Variants in NTM observed in about 807,000 individuals in gnomAD.
NTM encodes neurotrimin.
NTM carries 13 observed loss-of-function variants against 42.1 expected under a neutral mutation model. That is an observed-to-expected ratio of 0.31 (90% confidence interval 0.20 to 0.49). The LOEUF (loss-of-function observed/expected upper bound fraction) is 0.49. NTM is among the 20% of genes least tolerant of loss of function. NTM has a pLI of 0.99. For missense variants in NTM, 373 were observed against 452.8 expected (o/e 0.82, Z 1.60); for synonymous variants, 187 against 179.2 (o/e 1.04, Z -0.35).
intron 1 of NTM, among the ~76,000 whole-genome samples, chr11:131,800,706 C>T (rs111888354): frequency 1.4e-4 from 22 of 152,242 alleles, no homozygotes; most frequent in East Asian, 1.2e-3. Context: ...CCTTCTCCCC[C>T]GCTCTATGGT....
At chr11:132,117,815 G>A (rs573175917) in intron 2 of NTM, among the ~76,000 whole-genome samples, 30 of 152,284 alleles carry the variant, frequency 2.0e-4, no homozygotes, top group Admixed American at 3.9e-4. Context: ...CACAGTGGGC[G>A]CTGAATAAAT....
chr11:131,419,176 A>G (rs1947258071), intron 1 of NTM, among the ~76,000 whole-genome samples: 1 of 152,100 alleles, frequency 6.6e-6, no homozygotes, highest in East Asian at 1.9e-4. Context: ...ACAAACAAAC[A>G]AACAAACAAA....
At chr11:131,809,596 C>G (rs1279252525) in intron 1 of NTM, among the ~76,000 whole-genome samples, 1 of 152,214 alleles carries the variant, frequency 6.6e-6, no homozygotes, top group African/African-American at 2.4e-5. Flanking sequence ...AGATATGTTC[C>G]TCCTCTCCCC....
At chr11:131,932,096 C>A (rs2058696815) in intron 2 of NTM, among the ~76,000 whole-genome samples, 1 of 152,248 alleles carries the variant, frequency 6.6e-6, no homozygotes, top group Admixed American at 6.5e-5. Flanking sequence ...CAAGTATCCA[C>A]TCCATGCCAA....
chr11:131,656,659 G>A (rs1353665640), intron 1 of NTM, among the ~76,000 whole-genome samples: 3 of 152,162 alleles, frequency 2.0e-5, no homozygotes, highest in African/African-American at 4.8e-5. Flanking sequence ...GGAGGAGGGC[G>A]GGGCATAAGA....
At chr11:132,036,674 C>T (rs2076548991) in intron 2 of NTM, among the ~76,000 whole-genome samples, 1 of 152,210 alleles carries the variant, frequency 6.6e-6, no homozygotes, top group Non-Finnish European at 1.5e-5. Context: ...AGGCAACACA[C>T]TTTTAATAGC....
Position 131,372,149 on chromosome 11 carries a change from G to A in NTM, c.82+1261G>A, listed in dbSNP as rs373864743. Among the ~76,000 whole-genome samples, 6 of 152,296 alleles carry A rather than the reference G, an allele frequency of 3.9e-5. No individual in the cohort carries two copies. In the East Asian group the frequency reaches 5.8e-4, roughly 15 times the overall value. Reference sequence around the variant, plus strand: ...TGCAGTGGCTGCAGTGTGGATCCACGTAAGGTGGGCAGAGAGACCAGGCTG... The same window carrying A: ...TGCAGTGGCTGCAGTGTGGATCCACATAAGGTGGGCAGAGAGACCAGGCTG... On this transcript the variant is annotated intron_variant, in intron 1 of 8. Coordinates refer to ENST00000683400, the MANE Select transcript of NTM (RefSeq NM_001352005.2).
At chr11:131,789,943 G>A (rs182226784) in intron 1 of NTM, among the ~76,000 whole-genome samples, 29 of 112,788 alleles carry the variant, frequency 2.6e-4, no homozygotes, top group East Asian at 5.8e-4. Context: ...GCGACAGAGC[G>A]AGACTCCGTC....
intron 1 of NTM, among the ~76,000 whole-genome samples, chr11:131,396,298 A>G (rs1255875506): frequency 6.6e-6 from 1 of 152,112 alleles, no homozygotes; most frequent in Non-Finnish European, 1.5e-5. Flanking sequence ...CTGGCATTGA[A>G]ATCATCCTGG....
chr11:132,323,761 G>A (rs1245811258), intron 7 of NTM, among the ~76,000 whole-genome samples: 1 of 152,084 alleles, frequency 6.6e-6, no homozygotes, highest in Non-Finnish European at 1.5e-5. Flanking sequence ...GATGAACATT[G>A]ATGCAAAATC....
intron 1 of NTM, among the ~76,000 whole-genome samples, chr11:131,874,542 T>C (rs972390891): frequency 6.6e-6 from 1 of 152,186 alleles, no homozygotes; most frequent in African/African-American, 2.4e-5. Context: ...AACATTCAAA[T>C]CTTACAGGCC....
intron 4 of NTM, among the ~76,000 whole-genome samples, chr11:132,264,101 C>G (rs1286441335): frequency 1.3e-5 from 2 of 152,162 alleles, no homozygotes; most frequent in Non-Finnish European, 2.9e-5. Context: ...AAGGCTATGT[C>G]AATTAGCAAT....
chr11:132,140,712 A>G (rs956544510), intron 2 of NTM, among the ~76,000 whole-genome samples: 1 of 152,200 alleles, frequency 6.6e-6, no homozygotes, highest in Non-Finnish European at 1.5e-5. Context: ...AGTTTCCCCC[A>G]GAGAACACTT....
At chr11:131,783,482 G>A (rs574283378) in intron 1 of NTM, among the ~76,000 whole-genome samples, 1 of 152,190 alleles carries the variant, frequency 6.6e-6, no homozygotes, top group African/African-American at 2.4e-5. Flanking sequence ...ACTCAAAATA[G>A]CCATACACAT....
At chr11:131,894,025 T>G (rs915442089) in intron 1 of NTM, among the ~76,000 whole-genome samples, 24 of 152,162 alleles carry the variant, frequency 1.6e-4, no homozygotes, top group Non-Finnish European at 3.4e-4. Flanking sequence ...TTAGCTTCTT[T>G]TGTGGGAGGC....
intron 2 of NTM, among the ~76,000 whole-genome samples, chr11:131,954,828 C>G (rs753012531): frequency 6.6e-6 from 1 of 152,130 alleles, no homozygotes. Flanking sequence ...TGAATTCAAT[C>G]TTTTGTTACC....
chr11:132,032,741 G>A (rs749728936), intron 2 of NTM, among the ~76,000 whole-genome samples: 2 of 152,122 alleles, frequency 1.3e-5, no homozygotes, highest in African/African-American at 2.4e-5. Context: ...GATTCAATCG[G>A]TATCTCCTCT....
chr11:132,188,837 AC>A (rs1555305480), intron 3 of NTM, among the ~76,000 whole-genome samples: 2 of 152,190 alleles, frequency 1.3e-5, no homozygotes, highest in Non-Finnish European at 2.9e-5. Flanking sequence ...ATAGCACTGC[AC>A]CCTGGGCTGT....
intron 1 of NTM, among the ~76,000 whole-genome samples, chr11:131,479,890 T>A (rs955476865): frequency 2.6e-5 from 4 of 151,352 alleles, no homozygotes; most frequent in Non-Finnish European, 5.9e-5. Flanking sequence ...TTTTGATAAA[T>A]TTTTTTTTAA....
Sources: gnomAD v4.1 joint callset for allele counts (sites outside exome capture counted in the v4.1 genomes callset) on GRCh38, gnomAD v4.1.1 for gene constraint, MANE v1.5 for transcripts, NCBI Gene and HGNC (gene_info 2026-07-23, HGNC 2026-07-21) for gene names.